ABCA5: variants seen among roughly 807,000 people sequenced by gnomAD.
ABCA5 encodes the protein ATP binding cassette subfamily A member 5.
In ABCA5, 163 loss-of-function variants were observed where a neutral mutation model predicts 206.0. The ratio of observed to expected loss-of-function variants is 0.79; its 90% CI spans 0.70 to 0.90. The LOEUF is 0.90. Among genes scored for constraint, ABCA5 ranks in the 40% least tolerant of loss-of-function variants. The pLI is 0.00. For synonymous variants in ABCA5, 609 were observed against 613.8 expected (o/e 0.99, Z 0.11); for missense variants, 1,859 against 1,912.9 (o/e 0.97, Z 0.53).
At chr17:69,279,211 C>T (rs2075364656) in intron 18 of ABCA5, among the ~76,000 whole-genome samples, 1 of 152,118 alleles carries the variant, frequency 6.6e-6, no homozygotes, top group South Asian at 2.1e-4. Flanking sequence ...AATCAATGTG[C>T]AAAAATCACA....
intron 24 of ABCA5, 31 bp downstream of exon 24, chr17:69,264,704 A>T: frequency 7.2e-7 from 1 of 1,381,110 alleles, no homozygotes; most frequent in South Asian, 1.9e-5. Context: ...TCTATCTATA[A>T]ATAGCATGAG....
chr17:69,259,581 G>C, intron 28 of ABCA5, 125 bp downstream of exon 28: 1 of 554,760 alleles, frequency 1.8e-6, no homozygotes, highest in South Asian at 2.7e-5. Flanking sequence ...TAAGAAAGTG[G>C]CTGTTAATGG....
intron 3 of ABCA5, among the ~76,000 whole-genome samples, chr17:69,312,655 G>T (rs1287503848): frequency 1.3e-5 from 2 of 152,084 alleles, no homozygotes; most frequent in Non-Finnish European, 2.9e-5. Context: ...CATGATCATA[G>T]TTCACTGCAG....
rs373308698 is a variant in ABCA5, at chr17:69,274,136, G to GAA, written c.2595-10_2595-9dup. The GAA allele has an allele frequency of 2.2e-5, 30 of 1,381,514 alleles. No individual in the cohort carries two copies. The highest frequency in any genetic ancestry group is 9.1e-5 in the African/African-American group (6 of 65,980). 85.6% of individuals were successfully genotyped at this position (1,381,514 alleles called of 1,614,324 possible). On this transcript the variant is annotated splice_polypyrimidine_tract_variant and intron_variant, in intron 19 of 38. Coordinates refer to ENST00000392676, the MANE Select transcript of ABCA5 (RefSeq NM_172232.4). ...ATTAAAAGCAGAAGCAACCTGAAAA[G>GAA]AAAAAAAAAACAACACAGCTCAGGG...
chr17:69,261,507 G>A, intron 25 of ABCA5, 128 bp downstream of exon 25: 1 of 619,842 alleles, frequency 1.6e-6, no homozygotes, highest in Non-Finnish European at 2.7e-6. Flanking sequence ...CACACAAAAA[G>A]AAGCTGCCAA....
At position 69,244,576 on chromosome 17, in the gene ABCA5, T is replaced by C. The variant is rs1367086572; in HGVS notation, c.*2961A>G. The C allele has an allele frequency of 6.6e-6, 1 of 151,818 alleles. No homozygotes were observed. Among genetic ancestry groups the C allele is most frequent in the African/African-American group, 2.4e-5 (1 of 41,424 alleles). 9.4% of individuals were successfully genotyped at this position (151,818 alleles called of 1,614,324 possible). A position where few individuals can be genotyped will look rare whatever the true frequency, so the allele number is the denominator to read the frequency against. On this transcript the variant is annotated 3_prime_UTR_variant, in exon 39 of 39. Coordinates refer to ENST00000392676, the MANE Select transcript of ABCA5 (RefSeq NM_172232.4). ...AAATTATTCATCTGAGAATAAATTC[T>C]TTCATTTTAGGAAATAAGCTATTTC...
intron 37 of ABCA5, chr17:69,248,625 T>C (rs566511897): frequency 1.5e-4 from 34 of 220,070 alleles, no homozygotes; most frequent in Non-Finnish European, 2.9e-4. Flanking sequence ...TTATCTCCCA[T>C]TCTCCAACTC....
At chr17:69,267,297 T>G (rs2075221476) in intron 23 of ABCA5, among the ~76,000 whole-genome samples, 1 of 152,182 alleles carries the variant, frequency 6.6e-6, no homozygotes, top group Non-Finnish European at 1.5e-5. Context: ...ATCAGAATTT[T>G]TATTAGAGCA....
intron 19 of ABCA5, among the ~76,000 whole-genome samples, chr17:69,275,919 ATGG>A (rs2075326678): frequency 6.6e-6 from 1 of 152,158 alleles, no homozygotes; most frequent in Non-Finnish European, 1.5e-5. Context: ...ACACAGTGAG[ATGG>A]TGGCCTTCTG....
chr17:69,302,823 A>G lies in ABCA5; in HGVS notation c.1014T>C (p.Phe338=), dbSNP rs2075666419. ...GIVEFFVTVA[F]GFIGLMIILI... is the part of the protein sequence containing the mutation. The stretch of plus-strand genomic sequence containing the variant: ...GGATTATCATAAGGCCAATAAATCC[A>G]AAAGCCACAGTAACAAAAAATTCAA... The change falls in exon 8 of 39, where the codon TTT becomes TTC. Residue 338 remains phenylalanine (F), a synonymous_variant. Coordinates refer to ENST00000392676, the MANE Select transcript of ABCA5 (RefSeq NM_172232.4). 5 of 1,599,106 alleles carry G rather than the reference A, an allele frequency of 3.1e-6. No homozygotes were observed. The highest frequency in any genetic ancestry group is 4.3e-6 in the Non-Finnish European group (5 of 1,176,128).
intron 28 of ABCA5, among the ~76,000 whole-genome samples, chr17:69,256,863 CA>C (rs2075089067): frequency 6.6e-6 from 1 of 151,962 alleles, no homozygotes. Context: ...TATTATTACA[CA>C]GAAAGAAAGA....
chr17:69,245,019 C>A lies in ABCA5; in HGVS notation c.*2518G>T, dbSNP rs1240757462. ...GTCATCCGAGTTCTCTCCAAAGAAT[C>A]CATTTCTGGAAACATAATCACTTAA... On this transcript the variant is annotated 3_prime_UTR_variant, in exon 39 of 39. Transcript: ENST00000392676. 6.6e-6 allele frequency: 1 copy of A among 151,202 alleles called. No homozygotes were observed. The highest frequency in any genetic ancestry group is 1.5e-5 in the Non-Finnish European group (1 of 67,684). 9.4% of individuals were successfully genotyped at this position (151,202 alleles called of 1,614,324 possible).
intron 14 of ABCA5, among the ~76,000 whole-genome samples, chr17:69,288,175 G>A (rs548846850): frequency 4.6e-5 from 7 of 152,216 alleles, no homozygotes; most frequent in African/African-American, 1.7e-4. Context: ...GGTGGTGGTG[G>A]CTGAGAGGAA....
intron 1 of ABCA5, among the ~76,000 whole-genome samples, chr17:69,324,455 C>T (rs2075885193): frequency 6.6e-6 from 1 of 152,180 alleles, no homozygotes; most frequent in African/African-American, 2.4e-5. Context: ...TAAAGGCAGG[C>T]ATTGGGAATG....
chr17:69,305,552 T>C (rs1006390327), intron 6 of ABCA5, among the ~76,000 whole-genome samples: 34 of 152,128 alleles, frequency 2.2e-4, no homozygotes, highest in African/African-American at 8.2e-4. Flanking sequence ...CATAAAATAC[T>C]TTAATAACCC....
At chr17:69,325,852 T>G (rs1225227293) in intron 1 of ABCA5, 1 of 152,064 alleles carries the variant, frequency 6.6e-6, no homozygotes, top group African/African-American at 2.4e-5. Context: ...ACACATGGAA[T>G]GTACTAATAA....
chr17:69,253,737 TC>T, intron 33 of ABCA5, 56 bp downstream of exon 33: 1 of 1,575,522 alleles, frequency 6.3e-7, no homozygotes, highest in Non-Finnish European at 8.7e-7. Flanking sequence ...CAAGACAATA[TC>T]AGGTACTAAA....
At chr17:69,267,395 A>C (rs907248165) in intron 23 of ABCA5, among the ~76,000 whole-genome samples, 3 of 152,228 alleles carry the variant, frequency 2.0e-5, no homozygotes, top group African/African-American at 7.2e-5. Context: ...GAAGGAAAAC[A>C]AAAGGGAAAG....
intron 24 of ABCA5, among the ~76,000 whole-genome samples, chr17:69,263,479 A>G (rs907975079): frequency 6.6e-6 from 1 of 152,090 alleles, no homozygotes. Flanking sequence ...CATTTATTGA[A>G]CACAGAGTCC....
Sources: allele counts gnomAD v4.1 joint callset (sites outside exome capture counted in the v4.1 genomes callset), GRCh38; gene constraint gnomAD v4.1.1; transcripts MANE v1.5; gene names NCBI Gene and HGNC (gene_info 2026-07-23, HGNC 2026-07-21).